Variants in STK3 observed in about 807,000 individuals in gnomAD.
The protein encoded by STK3 is serine/threonine-protein kinase 3.
STK3 carries 41 observed loss-of-function variants against 58.0 expected under a neutral mutation model. That is an observed-to-expected ratio of 0.71 (90% CI 0.55 to 0.92). The LOEUF (loss-of-function observed/expected upper bound fraction) is 0.92. STK3 is among the 40% of genes least tolerant of loss of function. The pLI, the probability that STK3 is intolerant of heterozygous loss-of-function variation, is 0.00. For synonymous variants in STK3, 170 were observed against 191.0 expected, an observed-to-expected ratio of 0.89 and a Z score of 0.91; for missense variants, 479 against 602.7, an observed-to-expected ratio of 0.79 and a Z score of 2.15.
intron 10 of STK3, among the ~76,000 whole-genome samples, chr8:98,514,991 C>T (rs1824818199): frequency 6.6e-6 from 1 of 152,090 alleles, no homozygotes; most frequent in Non-Finnish European, 1.5e-5. Flanking sequence ...CCTTCTTCTT[C>T]ACCCTAATCC....
At chr8:98,494,350 AT>A (rs1822952826) in intron 10 of STK3, among the ~76,000 whole-genome samples, 2 of 152,306 alleles carry the variant, frequency 1.3e-5, no homozygotes, top group African/African-American at 4.8e-5. Flanking sequence ...CTCTAACAGC[AT>A]CCCTTTTCTC....
chr8:98,741,311 C>T (rs1198514086), intron 4 of STK3, among the ~76,000 whole-genome samples: 8 of 152,158 alleles, frequency 5.3e-5, no homozygotes, highest in Admixed American at 5.2e-4. Context: ...AGCACCACAC[C>T]ACACCTGTTC....
In STK3 at chr8:98,800,928, C is replaced by A. The variant is rs1345904571; in HGVS notation, c.26+24587G>T. Among the ~76,000 whole-genome samples the A allele has an allele frequency of 6.6e-6, 1 of 152,242 alleles. No homozygotes were observed. The highest frequency in any genetic ancestry group is 1.5e-5 in the Non-Finnish European group (1 of 68,052). On this transcript the variant is annotated intron_variant, in intron 1 of 10. Coordinates refer to ENST00000419617, the MANE Select transcript of STK3 (RefSeq NM_006281.4). The surrounding 1 kb of genome is among the most constrained non-coding windows in gnomAD (Gnocchi z 4.8). The stretch of plus-strand genomic sequence containing the variant: ...CCCCAACAGGCGCTGGCCCCTGCTC[C>A]ACGGCGTCCGGTCCCATAAACCGCC...
downstream of STK3, among the ~76,000 whole-genome samples, chr8:98,366,314 T>C (rs909136936): frequency 2.6e-5 from 4 of 152,244 alleles, no homozygotes; most frequent in African/African-American, 9.6e-5. Flanking sequence ...CATTTTTCTA[T>C]TGGAATCTTT....
In STK3 at chr8:98,579,700, T is replaced by A; in HGVS notation, c.912A>T (p.Glu304Asp). ...CTTCCTCTTCCAATTCTCGTTGCTG[T>A]TCCTCATGTCTTTTAGCTTTGATCT... Reference protein sequence around the residue: ...AMEIKAKRHEEQQRELEEEEE... With the variant: ...AMEIKAKRHEDQQRELEEEEE... Residue 304 changes from glutamate to aspartate, a missense_variant, in exon 8 of 11, where the codon GAA becomes GAT. Coordinates refer to ENST00000419617, the MANE Select transcript of STK3 (RefSeq NM_006281.4). 6.2e-7 allele frequency: 1 copy of A among 1,610,680 alleles called. No homozygotes were observed.
intron 6 of STK3, among the ~76,000 whole-genome samples, chr8:98,658,656 CT>C (rs913636944): frequency 1.3e-5 from 2 of 151,982 alleles, no homozygotes; most frequent in South Asian, 2.1e-4. Context: ...CAATCACCCC[CT>C]ATTGAACTGC....
chr8:98,466,967 C>T (rs1820516148), intron 10 of STK3, among the ~76,000 whole-genome samples: 3 of 152,228 alleles, frequency 2.0e-5, no homozygotes, highest in South Asian at 4.2e-4. Context: ...CCGCAGGCCT[C>T]GGCTCTACCT....
At chr8:98,897,429 G>A (rs562701671) in intron 1 of STK3, among the ~76,000 whole-genome samples, 19 of 152,056 alleles carry the variant, frequency 1.2e-4, no homozygotes, top group Non-Finnish European at 2.4e-4. Flanking sequence ...GCGTGGTCAC[G>A]GCGGACGCCT....
At chr8:98,535,202 C>A (rs2131527121) in intron 9 of STK3, among the ~76,000 whole-genome samples, 1 of 152,244 alleles carries the variant, frequency 6.6e-6, no homozygotes, top group East Asian at 1.9e-4. Flanking sequence ...AACTCCTAAA[C>A]CACCATTATC....
intron 10 of STK3, among the ~76,000 whole-genome samples, chr8:98,501,509 G>A (rs1823594859): frequency 6.6e-6 from 1 of 152,150 alleles, no homozygotes; most frequent in African/African-American, 2.4e-5. Context: ...TATTGCCTAG[G>A]TTTTCTTCTA....
rs929027403 is a variant in STK3, at chr8:98,800,141, A to G, written c.27-25322T>C. Among the ~76,000 whole-genome samples, 5 of 152,150 alleles carry G rather than the reference A, an allele frequency of 3.3e-5. No homozygotes were observed. Among genetic ancestry groups the G allele is most frequent in the African/African-American group, 1.2e-4 (5 of 41,432 alleles). On this transcript the variant is annotated intron_variant, in intron 1 of 10. Coordinates refer to ENST00000419617, the MANE Select transcript of STK3 (RefSeq NM_006281.4). The surrounding 1 kb of genome is among the most constrained non-coding windows in gnomAD (Gnocchi z 4.8). ...TTGCCGCTACTCGCCTTTGGACCCTATATTTTTAACCTCCTTGTTTTGTTT... is the reference window on the plus strand; with the variant it reads ...TTGCCGCTACTCGCCTTTGGACCCTGTATTTTTAACCTCCTTGTTTTGTTT...
intron 10 of STK3, among the ~76,000 whole-genome samples, chr8:98,475,767 A>G (rs1481622148): frequency 2.0e-5 from 3 of 152,242 alleles, no homozygotes; most frequent in Admixed American, 2.0e-4. Context: ...TTTGAGAATT[A>G]TAAATGGCGG....
At chr8:98,904,552 C>T in intron 1 of STK3, 6 of 505,654 alleles carry the variant, frequency 1.2e-5, no homozygotes, top group Non-Finnish European at 2.3e-5. Context: ...CTCATATATG[C>T]CCGCAGCCCG....
At chr8:98,369,484 G>A (rs1438348497), downstream of STK3, among the ~76,000 whole-genome samples, 4 of 152,122 alleles carry the variant, frequency 2.6e-5, no homozygotes, top group African/African-American at 9.7e-5. Flanking sequence ...TGGGCAGAAG[G>A]CTAGGTGGTT....
At chr8:98,567,326 T>C (rs1812568224) in intron 8 of STK3, among the ~76,000 whole-genome samples, 1 of 152,160 alleles carries the variant, frequency 6.6e-6, no homozygotes, top group Non-Finnish European at 1.5e-5. Context: ...GCCTCCTGAG[T>C]AGCTGGGACT....
intron 3 of STK3, among the ~76,000 whole-genome samples, chr8:98,761,822 T>TTTTATTTA (rs761072752): frequency 1.3e-5 from 2 of 151,918 alleles, no homozygotes; most frequent in Non-Finnish European, 2.9e-5. Context: ...ACTTTTGATT[T>TTTTATTTA]TTTATTTATT....
chr8:98,938,195 G>A (rs2132057267), intron 1 of STK3, among the ~76,000 whole-genome samples: 1 of 151,920 alleles, frequency 6.6e-6, no homozygotes, highest in Non-Finnish European at 1.5e-5. Context: ...ATGATGACAA[G>A]AGGCTTCCAG....
At chr8:98,523,583 C>A (rs2131466588) in intron 10 of STK3, among the ~76,000 whole-genome samples, 1 of 152,162 alleles carries the variant, frequency 6.6e-6, no homozygotes, top group Non-Finnish European at 1.5e-5. Context: ...CCTTGTTGGT[C>A]AGGCTGGTCT....
intron 1 of STK3, among the ~76,000 whole-genome samples, chr8:98,910,392 C>T (rs563365588): frequency 1.8e-4 from 27 of 152,004 alleles, no homozygotes; most frequent in Non-Finnish European, 2.8e-4. Context: ...TTTAAATATT[C>T]CAGCAGATGA....
Sources: gnomAD v4.1 joint callset for allele counts (sites outside exome capture counted in the v4.1 genomes callset) on GRCh38, gnomAD v4.1.1 for gene constraint, Gnocchi (gnomAD v3.1) non-coding constraint, MANE v1.5 for transcripts, NCBI Gene and HGNC (gene_info 2026-07-23, HGNC 2026-07-21) for gene names.